Variants in ANKS1B observed in about 807,000 individuals in gnomAD.
ANKS1B encodes the protein ankyrin repeat and sterile alpha motif domain containing 1B, also known as ankyrin repeat and sterile alpha motif domain-containing protein 1B.
Under a neutral mutation model 148.3 loss-of-function variants are expected in ANKS1B, and 36 were observed. That is an observed-to-expected ratio of 0.24 (90% CI 0.19 to 0.32). The LOEUF is 0.32. ANKS1B is among the 10% of genes least tolerant of loss of function. The pLI is 1.00. For missense variants in ANKS1B, 1,157 were observed against 1,542.6 expected (o/e 0.75, Z 4.19); for synonymous variants, 542 against 560.8 (o/e 0.97, Z 0.47).
chr12:98,897,668 A>G (rs549998476), intron 17 of ANKS1B, among the ~76,000 whole-genome samples: 14 of 152,358 alleles, frequency 9.2e-5, no homozygotes, highest in African/African-American at 3.1e-4. Context: ...GGATTTCTCA[A>G]AGAGCTATAA....
intron 10 of ANKS1B, among the ~76,000 whole-genome samples, chr12:99,453,134 C>T (rs1223037322): frequency 1.3e-5 from 2 of 151,844 alleles, no homozygotes; most frequent in Admixed American, 6.6e-5. Flanking sequence ...ACTAAAAATA[C>T]AAAAAATTAG....
At chr12:99,456,699 T>C (rs942051896) in intron 10 of ANKS1B, among the ~76,000 whole-genome samples, 15 of 152,196 alleles carry the variant, frequency 9.9e-5, no homozygotes, top group African/African-American at 3.4e-4. Context: ...GGCTTTCAAA[T>C]TAACCCAATC....
chr12:99,257,152 G>A (rs370494404), intron 12 of ANKS1B, among the ~76,000 whole-genome samples: 265 of 152,202 alleles, frequency 1.7e-3, no homozygotes, highest in African/African-American at 6.1e-3. Context: ...GCTGAGGCAG[G>A]AGAATGGCGT....
chr12:98,837,199 T>A (rs967604161), intron 17 of ANKS1B, among the ~76,000 whole-genome samples: 1 of 150,372 alleles, frequency 6.7e-6, no homozygotes, highest in Non-Finnish European at 1.5e-5. Context: ...TAGCCAGGCA[T>A]GGTGGCGCAC....
At chr12:98,800,090 G>T (rs2098988461) in intron 21 of ANKS1B, among the ~76,000 whole-genome samples, 1 of 151,946 alleles carries the variant, frequency 6.6e-6, no homozygotes, top group Non-Finnish European at 1.5e-5. Context: ...GTTCAGAAAG[G>T]CTTGGGGACT....
intron 8 of ANKS1B, among the ~76,000 whole-genome samples, chr12:99,675,345 G>A (rs1038128066): frequency 6.6e-6 from 1 of 151,812 alleles, no homozygotes; most frequent in Non-Finnish European, 1.5e-5. Context: ...ATAAATTAGA[G>A]TATATCTATG....
At chr12:99,343,073 A>T (rs2090162017) in intron 12 of ANKS1B, among the ~76,000 whole-genome samples, 3 of 152,174 alleles carry the variant, frequency 2.0e-5, no homozygotes, top group Admixed American at 1.3e-4. Flanking sequence ...CCTCAAAATA[A>T]CTAATACCAA....
rs1415067126 is a variant in ANKS1B at position 99,168,249 on chromosome 12, G to A, written c.2420-13854C>T. On this transcript the variant is annotated intron_variant, in intron 14 of 26. Transcript: ENST00000683438. ...TTAAAAAGTTAAGCTGGGTGCAGTG[G>A]CTCACGCCTATAATCCCAGCACTTT... Among the ~76,000 whole-genome samples the A allele has an allele frequency of 2.6e-5, 4 of 152,192 alleles. No individual in the cohort carries two copies. In the East Asian group the frequency reaches 7.7e-4, roughly 29 times the overall value.
At chr12:99,722,002 C>T (rs571082336) in intron 8 of ANKS1B, among the ~76,000 whole-genome samples, 1 of 152,316 alleles carries the variant, frequency 6.6e-6, no homozygotes, top group South Asian at 2.1e-4. Flanking sequence ...AAATGCTAAT[C>T]CAGAACAAGG....
At chr12:99,190,403 G>C (rs2080499241) in intron 14 of ANKS1B, among the ~76,000 whole-genome samples, 1 of 152,120 alleles carries the variant, frequency 6.6e-6, no homozygotes, top group African/African-American at 2.4e-5. Context: ...TAAGCAAAAA[G>C]ATCAAAACTG....
intron 4 of ANKS1B, among the ~76,000 whole-genome samples, chr12:99,782,331 G>A (rs1291544946): frequency 1.3e-5 from 2 of 152,144 alleles, no homozygotes; most frequent in African/African-American, 4.8e-5. Context: ...CAGCTGAGGC[G>A]GATGGATCAC....
At chr12:98,752,914 C>T (rs2098130571) in intron 25 of ANKS1B, among the ~76,000 whole-genome samples, 1 of 152,176 alleles carries the variant, frequency 6.6e-6, no homozygotes, top group South Asian at 2.1e-4. Context: ...CTACGAAACA[C>T]AATCAAAATC....
chr12:99,891,561 T>C (rs1238592155), intron 1 of ANKS1B, among the ~76,000 whole-genome samples: 1 of 152,068 alleles, frequency 6.6e-6, no homozygotes, highest in East Asian at 1.9e-4. Flanking sequence ...TGACTATTTA[T>C]GTTGAGCATA....
intron 9 of ANKS1B, among the ~76,000 whole-genome samples, chr12:99,626,710 G>A (rs183911602): frequency 6.2e-4 from 95 of 152,236 alleles, no homozygotes; most frequent in African/African-American, 2.2e-3. Context: ...GGCATACATT[G>A]GGGCGAATGG....
intron 16 of ANKS1B, among the ~76,000 whole-genome samples, chr12:99,055,524 G>T (rs1190605701): frequency 6.6e-6 from 1 of 152,212 alleles, no homozygotes; most frequent in East Asian, 1.9e-4. Context: ...GAAGCAATTA[G>T]TGGCCATCTG....
At chr12:99,462,117 T>C (rs1298207319) in intron 10 of ANKS1B, among the ~76,000 whole-genome samples, 2 of 152,208 alleles carry the variant, frequency 1.3e-5, no homozygotes, top group Admixed American at 6.5e-5. Flanking sequence ...CTATTCCTAT[T>C]TGCAGTTGAC....
intron 17 of ANKS1B, among the ~76,000 whole-genome samples, chr12:98,909,591 A>G (rs1397667059): frequency 6.6e-6 from 1 of 152,236 alleles, no homozygotes; most frequent in Non-Finnish European, 1.5e-5. Context: ...GATAAGATGA[A>G]TTGACTTTAA....
At chr12:99,297,467 T>C (rs1485415246) in intron 12 of ANKS1B, among the ~76,000 whole-genome samples, 2 of 152,200 alleles carry the variant, frequency 1.3e-5, no homozygotes, top group East Asian at 3.8e-4. Flanking sequence ...CCTTCATTCA[T>C]TGAACCCACC....
intron 15 of ANKS1B, among the ~76,000 whole-genome samples, chr12:99,122,164 T>A (rs2063069170): frequency 6.6e-6 from 1 of 152,126 alleles, no homozygotes; most frequent in Non-Finnish European, 1.5e-5. Context: ...TTTGTGAAAA[T>A]GTTAATAAAA....
Sources: gnomAD v4.1 joint callset for allele counts (sites outside exome capture counted in the v4.1 genomes callset) on GRCh38, gnomAD v4.1.1 for gene constraint, MANE v1.5 for transcripts, NCBI Gene and HGNC (gene_info 2026-07-23, HGNC 2026-07-21) for gene names.